Variants in PAXIP1 observed in about 807,000 individuals in gnomAD.
The protein encoded by PAXIP1 is PAX-interacting protein 1.
A neutral mutation model predicts 140.6 loss-of-function variants in PAXIP1; 19 were observed. That is an observed-to-expected ratio of 0.14 (90% CI 0.09 to 0.20). The LOEUF (loss-of-function observed/expected upper bound fraction) is 0.20, where lower values mean the gene tolerates loss of function less well. Ranked by LOEUF, PAXIP1 falls within the 10% of genes least tolerant of loss-of-function variation. The probability of loss-of-function intolerance (pLI) is 1.00; values close to 1 mark genes in which losing one functional copy is unlikely to be tolerated. For missense variants in PAXIP1, 920 were observed against 1,208.6 expected, an observed-to-expected ratio of 0.76 and a Z score of 3.54; for synonymous variants, 442 against 444.6, an observed-to-expected ratio of 0.99 and a Z score of 0.07.
chr7:155,001,200 C>T (rs951942758), intron 1 of PAXIP1: 16 of 152,114 alleles, frequency 1.1e-4, no homozygotes, highest in African/African-American at 3.9e-4. Flanking sequence ...CATTTTTAAG[C>T]ACTTAGATTT....
chr7:154,991,100 A>T, intron 3 of PAXIP1, 31 bp from the exon 4 acceptor site: 1 of 1,220,768 alleles, frequency 8.2e-7, no homozygotes, highest in Non-Finnish European at 1.2e-6. Context: ...TTACAATGAA[A>T]TAAGATTAGT....
chr7:154,967,436 G>T (rs2150756032), intron 8 of PAXIP1: 1 of 165,968 alleles, frequency 6.0e-6, no homozygotes, highest in Non-Finnish European at 1.3e-5. Context: ...AGGTTCTAGA[G>T]ATTCCAGGAT....
rs745923919 is a variant in PAXIP1, at chr7:154,976,176, CTCCTCT to C, written c.588_593del (p.Glu199_Glu200del). On this transcript the variant is annotated inframe_deletion, in exon 6 of 21. Coordinates refer to ENST00000404141, the MANE Select transcript of PAXIP1 (RefSeq NM_007349.4). ...CTTGTTCCTCATTTTCTACTTCCTCCTCCTCTTCCTCTTCCTCTTCTTCCTCTTCAT... is the reference window on the plus strand; with the variant it reads ...CTTGTTCCTCATTTTCTACTTCCTCCTCCTCTTCCTCTTCTTCCTCTTCAT... 284 of 1,603,620 alleles carry C rather than the reference CTCCTCT, an allele frequency of 1.8e-4. No individual in the cohort carries two copies. Among genetic ancestry groups the C allele is most frequent in the Middle Eastern group, 4.9e-4 (3 of 6,068 alleles).
Position 154,954,418 on chromosome 7 carries a change from G to A in PAXIP1, c.2658C>T (p.Leu886=). ...PVQVQQYIKK[L]YILGGEVAES... ...CCGCAACCTCTCCACCAAGAATGTA[G>A]AGCTTCTAAAGGTCACAAACACAGG... Residue 886 remains leucine (L), a synonymous_variant, in exon 16 of 21, where the codon CTC becomes CTT. Transcript: ENST00000404141. The surrounding 1 kb of genome is among the most constrained non-coding windows in gnomAD (Gnocchi z 5.1). The A allele has an allele frequency of 6.5e-7, 1 of 1,542,234 alleles. No individual in the cohort carries two copies. Among genetic ancestry groups the A allele is most frequent in the Non-Finnish European group, 8.8e-7 (1 of 1,133,616 alleles).
Position 154,946,757 on chromosome 7 carries a change from T to C in PAXIP1, c.2979A>G (p.Ala993=). The change falls in exon 18 of 21, where the codon GCA becomes GCG. Residue 993 remains alanine (A), a synonymous_variant. Transcript: ENST00000404141. This position sits in a 1 kb window ranked among gnomAD's most constrained non-coding sequence, Gnocchi z 4.9. ...CCTTTCCTCCTGCACACTCTACGAT[T>C]GCCTTCATAGTGGAAAGACTTGGGC... The part of the protein sequence containing the change: ...GICPSLSTMK[A]IVECAGGKVL... 1 of 1,612,820 alleles carries C rather than the reference T, an allele frequency of 6.2e-7. No individual in the cohort carries two copies. Among genetic ancestry groups the C allele is most frequent in the Non-Finnish European group, 8.5e-7 (1 of 1,179,274 alleles).
intron 7 of PAXIP1, 77 bp from the exon 8 acceptor site, chr7:154,967,987 T>G: frequency 3.5e-6 from 3 of 859,158 alleles, no homozygotes; most frequent in Non-Finnish European, 3.7e-6. Context: ...AAGTGGCGCC[T>G]CACAATGTCA....
intron 3 of PAXIP1, among the ~76,000 whole-genome samples, chr7:154,992,767 T>C (rs977113015): frequency 6.6e-6 from 1 of 152,168 alleles, no homozygotes; most frequent in Admixed American, 6.5e-5. Context: ...CTTTAGGCTA[T>C]GTACAAGAAA....
intron 20 of PAXIP1, chr7:154,944,443 T>G (rs984373688): frequency 8.8e-5 from 26 of 296,068 alleles, no homozygotes; most frequent in Non-Finnish European, 1.5e-4. Context: ...ATAGCTGAAA[T>G]GTCCTTTAAA....
chr7:154,986,402 T>A lies in PAXIP1; in HGVS notation c.325-3070A>T, dbSNP rs1479074402. ...TGGTGCCCACTTTCATTTTTGCATA[T>A]GTTGCAACATACCGTATTTGCCCAA... On this transcript the variant is annotated intron_variant, in intron 4 of 20. Transcript: ENST00000404141. This position sits in a 1 kb window ranked among gnomAD's most constrained non-coding sequence, Gnocchi z 4.8. Among the ~76,000 whole-genome samples, 1 of 152,172 alleles carries A rather than the reference T, an allele frequency of 6.6e-6. No homozygotes were observed. Among genetic ancestry groups the A allele is most frequent in the South Asian group, 2.1e-4 (1 of 4,820 alleles).
At chr7:154,949,566 G>A (rs1808174212) in intron 16 of PAXIP1, 1 of 152,206 alleles carries the variant, frequency 6.6e-6, no homozygotes, top group Admixed American at 6.5e-5. Flanking sequence ...GCCTTCTGAA[G>A]AACTTGTGTG....
intron 2 of PAXIP1, among the ~76,000 whole-genome samples, chr7:154,995,817 C>T (rs1208327559): frequency 2.0e-5 from 3 of 152,148 alleles, no homozygotes; most frequent in Non-Finnish European, 2.9e-5. Context: ...CCATTGCACT[C>T]CAGCCTGGGA....
In PAXIP1 at chr7:154,977,108, C is replaced by T. The variant is rs1809616049; in HGVS notation, c.439-777G>A. ...GTTAGAATGAAAGCAGAAAATACAG[C>T]CCACTGGAAAAGATGTGTCCGGAGT... On this transcript the variant is annotated intron_variant, in intron 5 of 20. Transcript: ENST00000404141. 3.9e-5 allele frequency among the ~76,000 whole-genome samples: 6 copies of T among 152,078 alleles called. 1 individual carries two copies. Among genetic ancestry groups the T allele is most frequent in the Admixed American group, 3.9e-4 (6 of 15,256 alleles).
intron 16 of PAXIP1, chr7:154,949,902 C>CT (rs1199581297): frequency 6.6e-6 from 1 of 152,102 alleles, no homozygotes; most frequent in East Asian, 1.9e-4. Flanking sequence ...GGGTGAGACT[C>CT]TGTCTTAAAA....
In PAXIP1 at chr7:154,944,061, G is replaced by C; in HGVS notation, c.*88C>G. On this transcript the variant is annotated 3_prime_UTR_variant, in exon 21 of 21. Coordinates refer to ENST00000404141, the MANE Select transcript of PAXIP1 (RefSeq NM_007349.4). ...CCAGGAAAGCAGCTGGAAAACAAGAGCATGTGAAGGAAGCGCAGCAGCTCC... is the reference window on the plus strand; with the variant it reads ...CCAGGAAAGCAGCTGGAAAACAAGACCATGTGAAGGAAGCGCAGCAGCTCC... 8.1e-7 allele frequency: 1 copy of C among 1,228,836 alleles called. No homozygotes were observed. The highest frequency in any genetic ancestry group is 2.4e-5 in the East Asian group (1 of 41,926). The allele number at this position is 1,228,836 out of a possible 1,614,324, so 76.1% of individuals were successfully genotyped here. A position where few individuals can be genotyped will look rare whatever the true frequency, so the allele number is the denominator to read the frequency against.
chr7:155,002,416 G>A (rs1481333182), intron 1 of PAXIP1, among the ~76,000 whole-genome samples: 1 of 152,092 alleles, frequency 6.6e-6, no homozygotes, highest in African/African-American at 2.4e-5. Context: ...CCCCGCGCGA[G>A]CTGCCCCGGC....
chr7:154,993,435 A>C (rs1019343628), intron 3 of PAXIP1, among the ~76,000 whole-genome samples: 5 of 152,214 alleles, frequency 3.3e-5, no homozygotes, highest in African/African-American at 1.2e-4. Context: ...GAATTTTAGA[A>C]ATATCCCTCA....
Position 154,961,002 on chromosome 7 carries a change from A to G in PAXIP1, c.2325T>C (p.Ile775=). The G allele has an allele frequency of 3.7e-6, 6 of 1,601,514 alleles. No individual in the cohort carries two copies. Among genetic ancestry groups the G allele is most frequent in the Non-Finnish European group, 5.1e-6 (6 of 1,173,760 alleles). ...TCAGTGCCTCAAAGTTTCCCAGAAG[A>G]ATGTCGCCAAGCCACTGGGCGTTGA... ...PCVNAQWLGD[I]LLGNFEALRQ... is the part of the protein sequence containing the mutation. The change falls in exon 12 of 21, where the codon ATT becomes ATC. Residue 775 remains isoleucine, a synonymous_variant. Coordinates refer to ENST00000404141, the MANE Select transcript of PAXIP1 (RefSeq NM_007349.4).
At chr7:154,991,838 C>T (rs1021164622) in intron 3 of PAXIP1, among the ~76,000 whole-genome samples, 2 of 152,166 alleles carry the variant, frequency 1.3e-5, no homozygotes, top group African/African-American at 4.8e-5. Flanking sequence ...TAAAGTATTA[C>T]TTCTCTTTCC....
At chr7:154,981,582 A>G (rs531592097) in intron 5 of PAXIP1, among the ~76,000 whole-genome samples, 1 of 152,334 alleles carries the variant, frequency 6.6e-6, no homozygotes, top group East Asian at 1.9e-4. Context: ...TACATTATAT[A>G]TATCACGTTT....
Sources: gnomAD v4.1 joint callset for allele counts (sites outside exome capture counted in the v4.1 genomes callset) on GRCh38, gnomAD v4.1.1 for gene constraint, Gnocchi (gnomAD v3.1) non-coding constraint, MANE v1.5 for transcripts, NCBI Gene and HGNC (gene_info 2026-07-23, HGNC 2026-07-21) for gene names.